Variants in FAM178B observed in about 807,000 individuals in gnomAD.
FAM178B encodes the protein family with sequence similarity 178 member B.
A neutral mutation model predicts 91.7 loss-of-function variants in FAM178B; 82 were observed. The ratio of observed to expected loss-of-function variants is 0.89; its 90% CI spans 0.75 to 1.07. FAM178B has a LOEUF of 1.07. Ranked by LOEUF, FAM178B falls within the 50% of genes least tolerant of loss-of-function variation. FAM178B has a pLI of 0.00. For synonymous variants in FAM178B, 368 were observed against 359.4 expected (o/e 1.02, Z -0.27); for missense variants, 769 against 846.7 (o/e 0.91, Z 1.14).
chr2:96,888,207 G>A (rs1229208560), intron 14 of FAM178B, among the ~76,000 whole-genome samples: 2 of 152,210 alleles, frequency 1.3e-5, no homozygotes, highest in Non-Finnish European at 2.9e-5. Flanking sequence ...CTGTACTTTG[G>A]AGGAAGTAAG....
chr2:96,967,911 C>CTTTTTTTTTT (rs60965536), intron 4 of FAM178B, among the ~76,000 whole-genome samples: 1,776 of 62,428 alleles, frequency 0.028, 529 homozygotes, highest in Non-Finnish European at 0.037. Context: ...CCTGTTTGGT[C>CTTTTTTTTTT]TTTTTTTTTT....
chr2:96,894,407 A>AC (rs1303443973), intron 13 of FAM178B, among the ~76,000 whole-genome samples: 16 of 38,856 alleles, frequency 4.1e-4, no homozygotes, highest in African/African-American at 5.3e-4. Flanking sequence ...CAGGCCTCCC[A>AC]CCCCCCACCC....
At chr2:96,977,151 C>T (rs1433803918) in intron 1 of FAM178B, among the ~76,000 whole-genome samples, 8 of 135,648 alleles carry the variant, frequency 5.9e-5, no homozygotes, top group South Asian at 2.2e-4. Context: ...GCCAAGATCA[C>T]GCCACTGCAC....
intron 4 of FAM178B, among the ~76,000 whole-genome samples, chr2:96,969,636 T>C (rs975066762): frequency 2.6e-5 from 4 of 152,208 alleles, no homozygotes; most frequent in African/African-American, 9.7e-5. Flanking sequence ...TTCAAGCGTC[T>C]ACTAAATGTA....
In FAM178B at chr2:96,893,882, G is replaced by A. The variant is rs755683983; in HGVS notation, c.1776+44C>T. ...CTGCCTTTCCCTGCTACCTGTGGTG[G>A]TGGCACCGTGGTGGAGGCAGGCGGG... On this transcript the variant is annotated intron_variant, in intron 14 of 16. Coordinates refer to ENST00000490605, the MANE Select transcript of FAM178B (RefSeq NM_001122646.3). 19 of 1,592,412 alleles carry A rather than the reference G, an allele frequency of 1.2e-5. No individual in the cohort carries two copies. The South Asian group carries it at 2.0e-4, about 17-fold the overall frequency.
At chr2:96,962,209 G>A (rs2082089780) in intron 5 of FAM178B, among the ~76,000 whole-genome samples, 1 of 152,132 alleles carries the variant, frequency 6.6e-6, no homozygotes. Flanking sequence ...GGCTGAGGCA[G>A]GTGAATTGCT....
chr2:96,928,180 C>T (rs2081478168), intron 9 of FAM178B, among the ~76,000 whole-genome samples: 1 of 152,138 alleles, frequency 6.6e-6, no homozygotes, highest in South Asian at 2.1e-4. Context: ...GGGGGCCTGG[C>T]ACCTCCTGGC....
chr2:96,923,459 T>C (rs1281358427), intron 10 of FAM178B, 31 bp downstream of exon 10: 3 of 1,497,800 alleles, frequency 2.0e-6, no homozygotes, highest in South Asian at 2.4e-5. Flanking sequence ...AAGCCGAGAG[T>C]GCCCTGCATG....
At position 96,893,911 on chromosome 2, in the gene FAM178B, TG is replaced by T; in HGVS notation, c.1776+14del. 1.2e-6 allele frequency: 2 copies of T among 1,608,864 alleles called. No individual in the cohort carries two copies. ...CACCGTGGTGGAGGCAGGCGGGTGC[TG>T]GGTGCTCACTCACCTTGTGGTCTAG... On this transcript the variant is annotated intron_variant, in intron 14 of 16. Transcript: ENST00000490605.
At chr2:96,887,647 C>T (rs1197113880) in intron 14 of FAM178B, among the ~76,000 whole-genome samples, 2 of 152,228 alleles carry the variant, frequency 1.3e-5, no homozygotes, top group African/African-American at 2.4e-5. Context: ...TGAAGCCATG[C>T]ATTGGGCCAG....
At chr2:96,922,506 C>T (rs2081359136) in intron 10 of FAM178B, among the ~76,000 whole-genome samples, 4 of 152,238 alleles carry the variant, frequency 2.6e-5, no homozygotes, top group Admixed American at 2.0e-4. Flanking sequence ...CGCGCCACCG[C>T]GCCCGACTAA....
At chr2:96,943,424 A>G (rs536845709) in intron 8 of FAM178B, among the ~76,000 whole-genome samples, 4 of 152,206 alleles carry the variant, frequency 2.6e-5, no homozygotes, top group Non-Finnish European at 4.4e-5. Context: ...ATGTTATAGC[A>G]TATGTCACTC....
chr2:96,968,769 C>T (rs1376080618), intron 4 of FAM178B, among the ~76,000 whole-genome samples: 1 of 152,166 alleles, frequency 6.6e-6, no homozygotes, highest in Non-Finnish European at 1.5e-5. Context: ...ATGCAGCCTG[C>T]AGTTTCTTAA....
intron 1 of FAM178B, among the ~76,000 whole-genome samples, chr2:96,981,155 G>A (rs929802413): frequency 6.6e-6 from 1 of 151,976 alleles, no homozygotes; most frequent in Non-Finnish European, 1.5e-5. Context: ...TAGTAGAGAT[G>A]GGGTTTCACC....
intron 8 of FAM178B, among the ~76,000 whole-genome samples, chr2:96,934,153 G>GC (rs1200657948): frequency 6.6e-6 from 1 of 152,176 alleles, no homozygotes; most frequent in Non-Finnish European, 1.5e-5. Flanking sequence ...TCGGGTTGTT[G>GC]GTGTTGGGTG....
chr2:96,883,606 C>T (rs976717239), intron 14 of FAM178B, among the ~76,000 whole-genome samples: 6 of 152,222 alleles, frequency 3.9e-5, no homozygotes, highest in Non-Finnish European at 8.8e-5. Context: ...TCTGGGGCAG[C>T]TACTGTGTGT....
chr2:96,985,839 G>C (rs1385621952), intron 1 of FAM178B, among the ~76,000 whole-genome samples: 1 of 152,162 alleles, frequency 6.6e-6, no homozygotes, highest in Non-Finnish European at 1.5e-5. Flanking sequence ...CAAAGAAAAC[G>C]GTCTCCAGCA....
At chr2:96,878,131 G>T in intron 15 of FAM178B, 89 bp from the exon 16 acceptor site, 1 of 1,401,126 alleles carries the variant, frequency 7.1e-7, no homozygotes, top group Non-Finnish European at 9.9e-7. Context: ...TTCAGAGAAA[G>T]GAAGGGGCAC....
intron 9 of FAM178B, among the ~76,000 whole-genome samples, chr2:96,928,262 T>G (rs2081480562): frequency 6.6e-6 from 1 of 152,220 alleles, no homozygotes; most frequent in Non-Finnish European, 1.5e-5. Context: ...CAAAACACTC[T>G]GTTCCATCTC....
Sources: gnomAD v4.1 joint callset for allele counts (sites outside exome capture counted in the v4.1 genomes callset) on GRCh38, gnomAD v4.1.1 for gene constraint, MANE v1.5 for transcripts, NCBI Gene and HGNC (gene_info 2026-07-23, HGNC 2026-07-21) for gene names.